Variants in LINGO2 observed in about 807,000 individuals in gnomAD.
The protein encoded by LINGO2 is leucine-rich repeat and immunoglobulin-like domain-containing nogo receptor-interacting protein 2.
LINGO2 carries 14 observed loss-of-function variants against 30.6 expected under a neutral mutation model. The observed-to-expected ratio is 0.46, with a 90% CI of 0.30 to 0.72. The LOEUF (loss-of-function observed/expected upper bound fraction) is 0.72, where lower values mean the gene tolerates loss of function less well. Among genes scored for constraint, LINGO2 ranks in the 30% least tolerant of loss-of-function variants. The pLI, the probability that LINGO2 is intolerant of heterozygous loss-of-function variation, is 0.07. For synonymous variants in LINGO2, 317 were observed against 288.5 expected (o/e 1.10, Z -1.00); for missense variants, 729 against 751.7 (o/e 0.97, Z 0.35).
chr9:28,169,659 G>A (rs950773203), intron 4 of LINGO2, among the ~76,000 whole-genome samples: 2 of 152,152 alleles, frequency 1.3e-5, no homozygotes, highest in Admixed American at 6.5e-5. Flanking sequence ...GAATGGACAC[G>A]AGAGGCAAAT....
the LINGO2 span, among the ~76,000 whole-genome samples, chr9:28,871,503 T>C: frequency 6.6e-6 from 1 of 151,792 alleles, no homozygotes; most frequent in Non-Finnish European, 1.5e-5. Flanking sequence ...ACCTTAGTCA[T>C]ATGACAATAT....
intron 4 of LINGO2, among the ~76,000 whole-genome samples, chr9:28,238,406 GT>G (rs1361572810): frequency 4.6e-5 from 7 of 152,056 alleles, no homozygotes; most frequent in Admixed American, 1.3e-4. Flanking sequence ...CACAAAAAGA[GT>G]TTTAAAACAT....
the LINGO2 span, among the ~76,000 whole-genome samples, chr9:28,692,116 C>T: frequency 6.6e-6 from 1 of 152,072 alleles, no homozygotes; most frequent in Non-Finnish European, 1.5e-5. Flanking sequence ...GGTATTTGCA[C>T]TATGATATTC....
the LINGO2 span, among the ~76,000 whole-genome samples, chr9:28,765,016 A>G: frequency 6.6e-6 from 1 of 152,136 alleles, no homozygotes; most frequent in African/African-American, 2.4e-5. Context: ...AAATGAAAAG[A>G]TATCCCTTGT....
At chr9:28,248,185 G>A (rs955067312) in intron 4 of LINGO2, among the ~76,000 whole-genome samples, 1 of 152,198 alleles carries the variant, frequency 6.6e-6, no homozygotes, top group African/African-American at 2.4e-5. Context: ...GTTCACAATA[G>A]TTAAGATTTG....
At chr9:29,179,692 T>C in the LINGO2 span, among the ~76,000 whole-genome samples, 1 of 152,156 alleles carries the variant, frequency 6.6e-6, no homozygotes, top group African/African-American at 2.4e-5. Flanking sequence ...GGCGTGAGCC[T>C]CCGTGCCTGG....
At chr9:28,141,116 A>G (rs1431446993) in intron 4 of LINGO2, among the ~76,000 whole-genome samples, 1 of 152,188 alleles carries the variant, frequency 6.6e-6, no homozygotes, top group Admixed American at 6.5e-5. Flanking sequence ...TGAGAAAAGA[A>G]ATTCTTAATA....
At chr9:28,439,717 C>G (rs958875432) in intron 2 of LINGO2, among the ~76,000 whole-genome samples, 9 of 152,170 alleles carry the variant, frequency 5.9e-5, no homozygotes, top group Non-Finnish European at 1.3e-4. Context: ...GGTTCCTGCA[C>G]AGCCTGCAGA....
the LINGO2 span, among the ~76,000 whole-genome samples, chr9:28,746,505 G>T: frequency 1.3e-5 from 2 of 151,940 alleles, no homozygotes; most frequent in African/African-American, 4.8e-5. Context: ...ATTACGTGAA[G>T]AATATTATGA....
intron 4 of LINGO2, among the ~76,000 whole-genome samples, chr9:28,265,379 T>G (rs1044583412): frequency 3.3e-5 from 5 of 151,954 alleles, no homozygotes; most frequent in Admixed American, 2.6e-4. Flanking sequence ...CCCCTCCTGT[T>G]AGTCAGAATT....
chr9:28,277,947 C>A (rs894208114), intron 4 of LINGO2, among the ~76,000 whole-genome samples: 4 of 151,288 alleles, frequency 2.6e-5, no homozygotes, highest in Non-Finnish European at 2.9e-5. Context: ...AAACAGTTAG[C>A]CAAGTTGTGA....
At chr9:28,723,939 A>C in the LINGO2 span, among the ~76,000 whole-genome samples, 3 of 152,166 alleles carry the variant, frequency 2.0e-5, no homozygotes, top group African/African-American at 7.2e-5. Context: ...AAAATTAACA[A>C]GATGAGCTAT....
chr9:28,876,668 G>A, the LINGO2 span, among the ~76,000 whole-genome samples: 1 of 152,080 alleles, frequency 6.6e-6, no homozygotes, highest in African/African-American at 2.4e-5. Flanking sequence ...CATTTGGGTT[G>A]GTTCCAAGTC....
rs533850563 is a variant in LINGO2 at position 28,661,835 on chromosome 9, G to A, written c.-365+8365C>T. Among the ~76,000 whole-genome samples the A allele has an allele frequency of 3.3e-5, 5 of 152,280 alleles. No individual in the cohort carries two copies. The South Asian group carries it at 8.3e-4, about 25-fold the overall frequency. ...CTGATTTTCCTTCTTTCAATTTGTG[G>A]TGCTGTGAAAACCTTGTACTATGGA... On this transcript the variant is annotated intron_variant, in intron 1 of 5. Coordinates refer to ENST00000379992, the Ensembl canonical transcript of LINGO2.
chr9:28,672,657 TTGAG>T (rs966407525), upstream of LINGO2, among the ~76,000 whole-genome samples: 6 of 152,198 alleles, frequency 3.9e-5, no homozygotes, highest in African/African-American at 1.2e-4. Context: ...AAAGTGTTTA[TTGAG>T]TGTTTTAAAA....
chr9:27,949,638 C>G (rs763633223), exon 6 of LINGO2: 2 of 1,613,934 alleles, frequency 1.2e-6, no homozygotes, highest in Middle Eastern at 1.6e-4. Flanking sequence ...CTCCAGAGCC[C>G]TAGGGGAGGA....
chr9:28,227,307 G>A (rs1420704912), intron 4 of LINGO2, among the ~76,000 whole-genome samples: 1 of 152,006 alleles, frequency 6.6e-6, no homozygotes, highest in Admixed American at 6.6e-5. Context: ...TAAATTCCAT[G>A]GACCATGGTC....
chr9:28,628,769 A>G (rs998389520), intron 1 of LINGO2, among the ~76,000 whole-genome samples: 3 of 152,086 alleles, frequency 2.0e-5, no homozygotes, highest in African/African-American at 7.2e-5. Context: ...TCTCAATAAA[A>G]TTATTTCCTT....
At chr9:28,943,608 T>G in the LINGO2 span, among the ~76,000 whole-genome samples, 35 of 152,346 alleles carry the variant, frequency 2.3e-4, no homozygotes, top group African/African-American at 7.7e-4. Flanking sequence ...CAGGGTTTAT[T>G]ATTCCTATTG....
Sources: allele counts gnomAD v4.1 joint callset (sites outside exome capture counted in the v4.1 genomes callset), GRCh38; gene constraint gnomAD v4.1.1; transcripts MANE v1.5; gene names NCBI Gene and HGNC (gene_info 2026-07-23, HGNC 2026-07-21).